The following MGAM2 variants were observed in gnomAD, a reference collection of about 807,000 sequenced individuals.
The protein encoded by MGAM2 is probable maltase-glucoamylase 2.
In MGAM2, 98 loss-of-function variants were observed where a neutral mutation model predicts 96.1. The observed-to-expected ratio is 1.02, with a 90% confidence interval of 0.87 to 1.21. MGAM2 has a LOEUF of 1.21. Ranked by LOEUF, MGAM2 falls within the 50% of genes most tolerant of loss-of-function variation. MGAM2 has a pLI of 0.00. For synonymous variants in MGAM2, 749 were observed against 414.8 expected (o/e 1.81, Z -9.79); for missense variants, 2,055 against 1,182.4 (o/e 1.74, Z -10.82).
rs573500626 is a variant in MGAM2, at chr7:142,222,047, T to C, written c.7536T>C (p.Thr2512=). The change falls in exon 48 of 48, where the codon ACT becomes ACC. Residue 2512 remains threonine, a synonymous_variant. Transcript: ENST00000477922. ...ATATTGCAAATGCCATAAATGCTAC[T>C]CAAGTTCCATGATTACTACTCAAGG... The part of the protein sequence containing the change: ...PTYIANAINA[T]QVP 29 of 398,350 alleles carry C rather than the reference T, an allele frequency of 7.3e-5. 1 individual carries two copies. In the South Asian group the frequency reaches 3.7e-3, roughly 51 times the overall value. The allele number at this position is 398,350 out of a possible 1,614,324, so 24.7% of individuals were successfully genotyped here. A position where few individuals can be genotyped will look rare whatever the true frequency, so the allele number is the denominator to read the frequency against.
chr7:142,163,801 C>T (rs62475294), intron 23 of MGAM2, among the ~76,000 whole-genome samples: 27,226 of 152,042 alleles, frequency 0.18, 3,048 homozygotes, highest in African/African-American at 0.32. Context: ...TGTGTAGTTA[C>T]AGCTCATTGT....
Position 142,171,312 on chromosome 7 carries a change from TTTC to T in MGAM2, c.3225_3227del (p.Leu1076del). Reference sequence around the variant, plus strand: ...CCCTGGCTTCATCTTCAATGACATGTTTCTCTCCATTTCTACGCGTCTGCCGTC... The same window carrying T: ...CCCTGGCTTCATCTTCAATGACATGTTCTCCATTTCTACGCGTCTGCCGTC... On this transcript the variant is annotated inframe_deletion, in exon 28 of 48. Coordinates refer to ENST00000477922, the MANE Select transcript of MGAM2 (RefSeq NM_001293626.2). 1 of 702,838 alleles carries T rather than the reference TTTC, an allele frequency of 1.4e-6. No homozygotes were observed. The highest frequency in any genetic ancestry group is 2.6e-6 in the Non-Finnish European group (1 of 384,780). 43.5% of individuals were successfully genotyped at this position (702,838 alleles called of 1,614,324 possible).
intron 15 of MGAM2, among the ~76,000 whole-genome samples, chr7:142,151,663 A>G (rs1795582827): frequency 6.6e-6 from 1 of 152,232 alleles, no homozygotes; most frequent in Admixed American, 6.5e-5. Flanking sequence ...AGAAAGTTTC[A>G]AATTACTTTT....
intron 45 of MGAM2, among the ~76,000 whole-genome samples, chr7:142,201,981 AAAAGCAATT>A (rs58401055): frequency 0.74 from 112,248 of 151,274 alleles, 41,905 homozygotes; most frequent in African/African-American, 0.83. Context: ...ATTAGGAATA[AAAAGCAATT>A]AAAGCAATTA....
Position 142,160,998 on chromosome 7 carries a change from A to G in MGAM2, c.2346-127A>G, listed in dbSNP as rs1795872041. ...CACCCAGCTCCCATGTGTCCACCCAATATCAACATCTACTCAGTTTCTGGT... is the reference window on the plus strand; with the variant it reads ...CACCCAGCTCCCATGTGTCCACCCAGTATCAACATCTACTCAGTTTCTGGT... On this transcript the variant is annotated intron_variant, in intron 21 of 47. Transcript: ENST00000477922. 3.6e-5 allele frequency: 20 copies of G among 559,716 alleles called. 1 individual carries two copies. In the South Asian group the frequency reaches 4.5e-4, roughly 13 times the overall value. The allele number at this position is 559,716 out of a possible 1,614,324, so 34.7% of individuals were successfully genotyped here.
chr7:142,138,517 C>G, intron 9 of MGAM2, 25 bp from the exon 10 acceptor site: 1 of 701,220 alleles, frequency 1.4e-6, no homozygotes, highest in Non-Finnish European at 2.6e-6. Context: ...ATTCTCAAAG[C>G]CTACACACTT....
chr7:142,116,215 AG>A (rs1363122439), intron 1 of MGAM2, among the ~76,000 whole-genome samples: 1 of 152,222 alleles, frequency 6.6e-6, no homozygotes, highest in Non-Finnish European at 1.5e-5. Context: ...TTCCCAGTTC[AG>A]TACATCCTCC....
intron 3 of MGAM2, among the ~76,000 whole-genome samples, chr7:142,124,687 C>G (rs1329747393): frequency 6.6e-6 from 1 of 152,086 alleles, no homozygotes; most frequent in African/African-American, 2.4e-5. Context: ...ACCATCTTTA[C>G]AAGGGTGAAT....
chr7:142,112,974 G>A (rs1020309755), intron 1 of MGAM2, among the ~76,000 whole-genome samples: 2 of 152,058 alleles, frequency 1.3e-5, no homozygotes, highest in African/African-American at 4.8e-5. Context: ...ATGCCTGTTG[G>A]CAAATTACCT....
intron 33 of MGAM2, among the ~76,000 whole-genome samples, chr7:142,184,239 C>G (rs1796629515): frequency 1.3e-5 from 2 of 152,122 alleles, no homozygotes; most frequent in Non-Finnish European, 2.9e-5. Context: ...TCCCAAAGCG[C>G]TGGGATTACA....
intron 15 of MGAM2, among the ~76,000 whole-genome samples, chr7:142,149,733 G>A (rs538408307): frequency 6.6e-6 from 1 of 151,848 alleles, no homozygotes; most frequent in South Asian, 2.1e-4. Flanking sequence ...AGTAGAGACG[G>A]GGTTTCACAG....
chr7:142,116,831 G>C, intron 1 of MGAM2, 43 bp from the exon 2 acceptor site: 1 of 702,758 alleles, frequency 1.4e-6, no homozygotes, highest in Non-Finnish European at 2.6e-6. Context: ...AGATTGGTGG[G>C]GCCTTGTGAT....
chr7:142,115,541 C>G (rs1221543326), intron 1 of MGAM2, among the ~76,000 whole-genome samples: 2 of 152,106 alleles, frequency 1.3e-5, no homozygotes, highest in Non-Finnish European at 2.9e-5. Flanking sequence ...TGATAAGATA[C>G]TTTTTTAAAA....
At chr7:142,124,992 G>A (rs1794695148) in intron 3 of MGAM2, among the ~76,000 whole-genome samples, 1 of 152,006 alleles carries the variant, frequency 6.6e-6, no homozygotes, top group Non-Finnish European at 1.5e-5. Flanking sequence ...ACAGTTGGAA[G>A]TTTTTTCCAA....
At chr7:142,207,571 G>A (rs1315866182) in intron 45 of MGAM2, among the ~76,000 whole-genome samples, 1 of 151,846 alleles carries the variant, frequency 6.6e-6, no homozygotes, top group Admixed American at 6.6e-5. Flanking sequence ...GACTACAGGC[G>A]CCCACCACCA....
In MGAM2 at chr7:142,136,639, G is replaced by C. The variant is rs186271579; in HGVS notation, c.846G>C (p.Met282Ile). Reference protein sequence around the residue: ...FGVFLMNSNAMEVTLQPAPAI... With the variant: ...FGVFLMNSNAIEVTLQPAPAI... ...TATTTCTGATGAACAGTAATGCCAT[G>C]GGTAGGAAGCATCTTTTTATCTTCT... Residue 282 changes from methionine to isoleucine, a missense_variant and splice_region_variant, in exon 8 of 48, where the codon ATG becomes ATC. Met to Ile is a conservative substitution (Grantham distance 10, BLOSUM62 1). Coordinates refer to ENST00000477922, the MANE Select transcript of MGAM2 (RefSeq NM_001293626.2). 3.0e-5 allele frequency: 21 copies of C among 690,820 alleles called. No individual in the cohort carries two copies. The African/African-American group carries it at 3.2e-4, about 11-fold the overall frequency. 42.8% of individuals were successfully genotyped at this position (690,820 alleles called of 1,614,324 possible).
At chr7:142,197,055 G>C (rs571317203) in intron 40 of MGAM2, among the ~76,000 whole-genome samples, 57 of 152,250 alleles carry the variant, frequency 3.7e-4, no homozygotes, top group African/African-American at 1.2e-3. Flanking sequence ...AGTTCCACAT[G>C]GGGCTAAAAT....
chr7:142,214,964 G>A (rs1055209656), intron 46 of MGAM2, among the ~76,000 whole-genome samples: 3 of 152,110 alleles, frequency 2.0e-5, no homozygotes, highest in African/African-American at 7.2e-5. Context: ...TATACCCAAA[G>A]GGTTATAAAT....
At chr7:142,129,926 A>G (rs990770360) in intron 3 of MGAM2, among the ~76,000 whole-genome samples, 1 of 147,182 alleles carries the variant, frequency 6.8e-6, no homozygotes, top group Non-Finnish European at 1.5e-5. Context: ...GCTGTTTTAT[A>G]AACAGATTTG....
Sources: allele counts gnomAD v4.1 joint callset (sites outside exome capture counted in the v4.1 genomes callset), GRCh38; gene constraint gnomAD v4.1.1; transcripts MANE v1.5; gene names NCBI Gene and HGNC (gene_info 2026-07-23, HGNC 2026-07-21).